The following MMP26 variants were observed in gnomAD, a reference collection of about 807,000 sequenced individuals.
MMP26 encodes the protein matrix metalloproteinase-26.
Under a neutral mutation model 31.0 loss-of-function variants are expected in MMP26, and 33 were observed. The ratio of observed to expected loss-of-function variants is 1.06; its 90% confidence interval spans 0.81 to 1.42. The LOEUF is 1.42. MMP26 is among the 40% of genes most tolerant of loss of function. The pLI, the probability that MMP26 is intolerant of heterozygous loss-of-function variation, is 0.00. For missense variants in MMP26, 347 were observed against 316.1 expected (o/e 1.10, Z -0.74); for synonymous variants, 122 against 114.9 (o/e 1.06, Z -0.40).
At chr11:4,914,963 G>A (rs1851054338) in intron 2 of MMP26, 1 of 1,614,012 alleles carries the variant, frequency 6.2e-7, no homozygotes, top group Non-Finnish European at 8.5e-7. Flanking sequence ...AGCCCTGGAG[G>A]CGATGGACAG....
At chr11:4,809,053 G>T (rs898981585) in intron 2 of MMP26, among the ~76,000 whole-genome samples, 4 of 151,934 alleles carry the variant, frequency 2.6e-5, no homozygotes, top group Non-Finnish European at 4.4e-5. Context: ...AGGAAGCACA[G>T]GTTGTCAGCT....
intron 2 of MMP26, among the ~76,000 whole-genome samples, chr11:4,980,473 C>A (rs1302355367): frequency 3.3e-5 from 5 of 150,906 alleles, no homozygotes; most frequent in Admixed American, 3.3e-4. Context: ...AAGCAAAGAA[C>A]AAAATATAGG....
chr11:4,723,399 C>G, intron 1 of MMP26: 5 of 961,516 alleles, frequency 5.2e-6, no homozygotes, highest in Non-Finnish European at 8.4e-6. Context: ...GCGCCTTGAC[C>G]TCAGCGATAG....
intron 2 of MMP26, among the ~76,000 whole-genome samples, chr11:4,824,117 C>T (rs1406176381): frequency 2.0e-5 from 3 of 152,020 alleles, no homozygotes; most frequent in African/African-American, 7.3e-5. Context: ...CATTGTGGGA[C>T]ACTTTGTGGG....
chr11:4,915,457 G>A, intron 2 of MMP26: 1 of 1,614,112 alleles, frequency 6.2e-7, no homozygotes. Context: ...GAGCCAGCAT[G>A]GACAGGAAGA....
At chr11:4,833,911 T>C (rs1002162416) in intron 2 of MMP26, among the ~76,000 whole-genome samples, 1 of 152,170 alleles carries the variant, frequency 6.6e-6, no homozygotes, top group African/African-American at 2.4e-5. Context: ...TCACTAACTA[T>C]ACTGTAAATT....
chr11:4,880,457 A>C (rs1468212830), intron 2 of MMP26, among the ~76,000 whole-genome samples: 1 of 152,098 alleles, frequency 6.6e-6, no homozygotes, highest in Non-Finnish European at 1.5e-5. Flanking sequence ...ACTGGAAGAA[A>C]TTGAGATGGG....
At chr11:4,713,419 A>C (rs1270961198) in intron 1 of MMP26, among the ~76,000 whole-genome samples, 2 of 151,742 alleles carry the variant, frequency 1.3e-5, no homozygotes, top group Non-Finnish European at 1.5e-5. Flanking sequence ...TTCTTCCTAC[A>C]CTCTGTGCTC....
At chr11:4,910,122 C>T (rs1850967259) in intron 2 of MMP26, among the ~76,000 whole-genome samples, 1 of 152,102 alleles carries the variant, frequency 6.6e-6, no homozygotes, top group Non-Finnish European at 1.5e-5. Flanking sequence ...AGCAAGCCTA[C>T]ATTCCTTTCT....
intron 2 of MMP26, among the ~76,000 whole-genome samples, chr11:4,784,902 G>C (rs1848914153): frequency 1.3e-5 from 2 of 152,088 alleles, no homozygotes; most frequent in South Asian, 4.1e-4. Flanking sequence ...GATCAAATTG[G>C]GCTATTGTAA....
intron 2 of MMP26, among the ~76,000 whole-genome samples, chr11:4,962,942 A>G (rs1336125488): frequency 6.6e-6 from 1 of 152,166 alleles, no homozygotes; most frequent in East Asian, 1.9e-4. Context: ...AACAGAACAC[A>G]CTTACCAGAG....
chr11:4,721,508 G>A (rs779409427), intron 1 of MMP26, among the ~76,000 whole-genome samples: 32 of 152,172 alleles, frequency 2.1e-4, no homozygotes, highest in Admixed American at 1.4e-3. Context: ...TTGTGTCTGA[G>A]TCAATGGCTG....
intron 2 of MMP26, among the ~76,000 whole-genome samples, chr11:4,825,675 A>G (rs1048701335): frequency 3.3e-5 from 5 of 152,172 alleles, no homozygotes; most frequent in Non-Finnish European, 5.9e-5. Flanking sequence ...CATCCAGTCA[A>G]TCACAAATGA....
rs73403075 is a variant in MMP26 at position 4,838,686 on chromosome 11, A to G, written c.-145+71345A>G. ...CTTGGAGGAATGAGGAATTTCTATT[A>G]TAAGAAAACAAGATGCAGAAAGGCA... On this transcript the variant is annotated intron_variant, in intron 2 of 7. Transcript: ENST00000380390. 4.1e-3 allele frequency among the ~76,000 whole-genome samples: 624 copies of G among 151,860 alleles called. 8 individuals are homozygous for G. Among genetic ancestry groups the G allele is most frequent in the African/African-American group, 0.014 (579 of 41,476 alleles).
In MMP26 at chr11:4,929,237, G is replaced by C. The variant is rs149367099; in HGVS notation, c.-144-58831G>C. Among the ~76,000 whole-genome samples, 902 of 151,992 alleles carry C rather than the reference G, an allele frequency of 5.9e-3. 5 individuals carry two copies. Among genetic ancestry groups the C allele is most frequent in the African/African-American group, 0.021 (866 of 41,464 alleles). On this transcript the variant is annotated intron_variant, in intron 2 of 7. Coordinates refer to ENST00000380390, the MANE Select transcript of MMP26 (RefSeq NM_021801.5). ...TGCACAACACATCATTTATGGGAAT[G>C]GTATGACTTATTCCACTGTTTGAGA...
At chr11:4,940,492 A>C (rs1308012419) in intron 2 of MMP26, among the ~76,000 whole-genome samples, 1 of 152,222 alleles carries the variant, frequency 6.6e-6, no homozygotes, top group Non-Finnish European at 1.5e-5. Context: ...TTGTCTTACC[A>C]TTTTAAATCA....
intron 2 of MMP26, among the ~76,000 whole-genome samples, chr11:4,778,802 C>T (rs1205602150): frequency 3.3e-5 from 5 of 151,884 alleles, no homozygotes; most frequent in Non-Finnish European, 7.4e-5. Flanking sequence ...CTATCAAAAC[C>T]TTTCACATAT....
At chr11:4,809,458 T>A (rs767566905) in intron 2 of MMP26, among the ~76,000 whole-genome samples, 4 of 152,208 alleles carry the variant, frequency 2.6e-5, no homozygotes, top group Non-Finnish European at 5.9e-5. Flanking sequence ...TCTGTTGGAT[T>A]TCAATGATCT....
At chr11:4,774,943 T>G (rs186183568) in intron 2 of MMP26, among the ~76,000 whole-genome samples, 12 of 152,266 alleles carry the variant, frequency 7.9e-5, no homozygotes, top group African/African-American at 2.4e-4. Context: ...GTTGTAGATA[T>G]GTGATCTTAT....
Sources: allele counts gnomAD v4.1 joint callset (sites outside exome capture counted in the v4.1 genomes callset), GRCh38; gene constraint gnomAD v4.1.1; transcripts MANE v1.5; gene names NCBI Gene and HGNC (gene_info 2026-07-23, HGNC 2026-07-21).